Variants in FERRY3 observed in about 807,000 individuals in gnomAD.
FERRY3 encodes FERRY endosomal RAB5 effector complex subunit 3.
chr12:4,490,476 T>A, the FERRY3 span: 1 of 1,450,980 alleles, frequency 6.9e-7, no homozygotes, highest in Non-Finnish European at 9.4e-7. Context: ...GTGAGAAATC[T>A]AATAAAAGAG....
At chr12:4,517,179 T>C in the FERRY3 span, 1 of 1,545,754 alleles carries the variant, frequency 6.5e-7, no homozygotes, top group Non-Finnish European at 8.7e-7. Flanking sequence ...CTTGGCAAAC[T>C]GTGGCAAAAT....
chr12:4,499,894 TA>T, the FERRY3 span, among the ~76,000 whole-genome samples: 1 of 152,194 alleles, frequency 6.6e-6, no homozygotes, highest in Non-Finnish European at 1.5e-5. Flanking sequence ...TATCCAAAGC[TA>T]AGTATTATTT....
chr12:4,515,246 A>G, the FERRY3 span, among the ~76,000 whole-genome samples: 1 of 152,230 alleles, frequency 6.6e-6, no homozygotes, highest in Non-Finnish European at 1.5e-5. Flanking sequence ...CTTTTTCAAT[A>G]GCTTTAAAAA....
chr12:4,522,563 G>A, the FERRY3 span, among the ~76,000 whole-genome samples: 1 of 152,230 alleles, frequency 6.6e-6, no homozygotes, highest in Non-Finnish European at 1.5e-5. Context: ...TACATTGGTG[G>A]TGGGAACGCA....
At chr12:4,501,425 G>A in the FERRY3 span, among the ~76,000 whole-genome samples, 1 of 152,160 alleles carries the variant, frequency 6.6e-6, no homozygotes, top group Non-Finnish European at 1.5e-5. Flanking sequence ...TAGGAACCGG[G>A]CTGCATAGTG....
chr12:4,490,515 A>G, the FERRY3 span: 1 of 1,595,028 alleles, frequency 6.3e-7, no homozygotes, highest in South Asian at 1.1e-5. Context: ...CTATTCAGAT[A>G]ACATACCTGT....
At chr12:4,529,576 C>G in the FERRY3 span, among the ~76,000 whole-genome samples, 23 of 152,054 alleles carry the variant, frequency 1.5e-4, no homozygotes, top group Non-Finnish European at 2.9e-4. Context: ...TTGCACAGTG[C>G]CTGGAACAAA....
the FERRY3 span, among the ~76,000 whole-genome samples, chr12:4,523,044 A>G: frequency 1.3e-5 from 2 of 152,240 alleles, no homozygotes; most frequent in Non-Finnish European, 2.9e-5. Flanking sequence ...GTCAAAATTC[A>G]TCAAACTGTA....
the FERRY3 span, among the ~76,000 whole-genome samples, chr12:4,509,615 G>A: frequency 1.4e-5 from 2 of 144,088 alleles, no homozygotes; most frequent in South Asian, 2.1e-4. Flanking sequence ...GCCTAACTGG[G>A]AGGCACCCCC....
chr12:4,530,106 C>G, the FERRY3 span: 1 of 1,494,870 alleles, frequency 6.7e-7, no homozygotes, highest in Non-Finnish European at 9.1e-7. Flanking sequence ...TTATTTAACA[C>G]ACTACTAGAA....
chr12:4,536,012 C>T, the FERRY3 span: 2 of 1,529,308 alleles, frequency 1.3e-6, no homozygotes, highest in Non-Finnish European at 1.7e-6. Flanking sequence ...AAAAACAGTC[C>T]TCACCTTTTT....
chr12:4,521,492 AG>A, the FERRY3 span, among the ~76,000 whole-genome samples: 2 of 152,338 alleles, frequency 1.3e-5, no homozygotes, highest in East Asian at 3.9e-4. Flanking sequence ...TGGGACGAAA[AG>A]AAAGGGACTT....
At chr12:4,536,199 T>C in the FERRY3 span, 68 of 1,549,624 alleles carry the variant, frequency 4.4e-5, no homozygotes, top group African/African-American at 8.1e-4. Flanking sequence ...CTTCATATTC[T>C]TTGACAGGAT....
the FERRY3 span, among the ~76,000 whole-genome samples, chr12:4,513,653 C>G: frequency 1.3e-5 from 2 of 152,284 alleles, no homozygotes; most frequent in African/African-American, 4.8e-5. Flanking sequence ...AAAGGATTCC[C>G]TACTTAATAA....
the FERRY3 span, among the ~76,000 whole-genome samples, chr12:4,518,434 T>C: frequency 2.1e-3 from 327 of 152,334 alleles, 3 homozygotes; most frequent in South Asian, 0.019. Context: ...GCAAAAAACA[T>C]TATATAAATA....
chr12:4,499,775 T>C, the FERRY3 span, among the ~76,000 whole-genome samples: 2 of 151,866 alleles, frequency 1.3e-5, no homozygotes, highest in South Asian at 4.2e-4. Context: ...AATCTAATGC[T>C]ACTTAAGCCA....
At chr12:4,501,714 A>ATTACAGTGACTTGTGT in the FERRY3 span, among the ~76,000 whole-genome samples, 25 of 152,278 alleles carry the variant, frequency 1.6e-4, no homozygotes, top group East Asian at 4.4e-3. Context: ...CTGATTCTAT[A>ATTACAGTGACTTGTGT]TTACAGTGAC....
chr12:4,517,984 G>C, the FERRY3 span: 1 of 1,400,458 alleles, frequency 7.1e-7, no homozygotes, highest in Non-Finnish European at 9.9e-7. Context: ...CATTTTCCCT[G>C]TAATTCCTTT....
the FERRY3 span, among the ~76,000 whole-genome samples, chr12:4,521,900 T>C: frequency 3.9e-5 from 6 of 152,154 alleles, no homozygotes; most frequent in Admixed American, 6.6e-5. Context: ...TTAGGCAAGA[T>C]AGAAACCATT....
Sources: allele counts gnomAD v4.1 joint callset (sites outside exome capture counted in the v4.1 genomes callset), GRCh38; gene constraint gnomAD v4.1.1; transcripts MANE v1.5; gene names NCBI Gene and HGNC (gene_info 2026-07-23, HGNC 2026-07-21).